BMP5: variants seen among roughly 807,000 people sequenced by gnomAD.
The protein encoded by BMP5 is bone morphogenetic protein 5.
In BMP5, 23 loss-of-function variants were observed where a neutral mutation model predicts 46.6. The observed-to-expected ratio is 0.49, with a 90% CI of 0.35 to 0.70. The LOEUF is 0.70. Ranked by LOEUF, BMP5 falls within the 30% of genes least tolerant of loss-of-function variation. BMP5 has a pLI of 0.00. For missense variants in BMP5, 545 were observed against 565.6 expected, an observed-to-expected ratio of 0.96 and a Z score of 0.37; for synonymous variants, 204 against 191.9, an observed-to-expected ratio of 1.06 and a Z score of -0.52.
intron 2 of BMP5, among the ~76,000 whole-genome samples, chr6:55,805,838 CAT>C (rs1775975130): frequency 6.6e-6 from 1 of 152,224 alleles, no homozygotes; most frequent in East Asian, 1.9e-4. Context: ...AGCTTTTTTT[CAT>C]ATGTTTGTTG....
intron 3 of BMP5, among the ~76,000 whole-genome samples, chr6:55,788,417 T>TG (rs1400541754): frequency 2.0e-5 from 3 of 151,828 alleles, no homozygotes; most frequent in Non-Finnish European, 4.4e-5. Flanking sequence ...ACTGCCTATA[T>TG]ACTCTGCTGT....
chr6:55,836,908 AG>A (rs779993670), intron 1 of BMP5, among the ~76,000 whole-genome samples: 4 of 152,190 alleles, frequency 2.6e-5, no homozygotes, highest in Non-Finnish European at 5.9e-5. Context: ...ATTTTAAATC[AG>A]GCAAAATATG....
At position 55,774,090 on chromosome 6, in the gene BMP5, G is replaced by C; in HGVS notation, c.986C>G (p.Ser329Cys). The C allele has an allele frequency of 6.2e-7, 1 of 1,612,890 alleles. No homozygotes were observed. The highest frequency in any genetic ancestry group is 8.5e-7 in the Non-Finnish European group (1 of 1,179,360). The change falls in exon 4 of 7, where the codon TCC becomes TGC. Residue 329 changes from serine (S) to cysteine (C), a missense_variant. Transcript: ENST00000370830. ...NKRKNQNRNKSSSHQDSSRMS... is the reference protein window; with the variant it reads ...NKRKNQNRNKCSSHQDSSRMS... ...TCTGGAGGAGTCCTGATGAGAGCTG[G>C]ATTTATTGCGGTTTTGATTTTTTCG...
At chr6:55,839,555 T>C (rs1395085723) in intron 1 of BMP5, among the ~76,000 whole-genome samples, 1 of 152,138 alleles carries the variant, frequency 6.6e-6, no homozygotes, top group East Asian at 1.9e-4. Flanking sequence ...TCTCAAGCCA[T>C]CCTCCCACCT....
chr6:55,790,469 C>A (rs1775551080), intron 3 of BMP5, among the ~76,000 whole-genome samples: 2 of 152,056 alleles, frequency 1.3e-5, no homozygotes, highest in Non-Finnish European at 2.9e-5. Context: ...AAGTTTAGTT[C>A]TTTTTTATGG....
chr6:55,869,806 G>T (rs1210760296), intron 1 of BMP5, among the ~76,000 whole-genome samples: 1 of 152,170 alleles, frequency 6.6e-6, no homozygotes, highest in African/African-American at 2.4e-5. Context: ...TTCTCCCAGT[G>T]GGTGGAGGCT....
At chr6:55,873,678 A>T (rs12198673) in intron 1 of BMP5, among the ~76,000 whole-genome samples, 1 of 151,888 alleles carries the variant, frequency 6.6e-6, no homozygotes, top group African/African-American at 2.4e-5. Flanking sequence ...TTTATCTCAT[A>T]TAGAAGGAAA....
At chr6:55,855,715 T>C (rs1436480130) in intron 1 of BMP5, among the ~76,000 whole-genome samples, 1 of 152,168 alleles carries the variant, frequency 6.6e-6, no homozygotes, top group Non-Finnish European at 1.5e-5. Flanking sequence ...TATTTTTCTT[T>C]TGGTACCAAA....
intron 1 of BMP5, among the ~76,000 whole-genome samples, chr6:55,833,557 CAGAACAGAG>C (rs1582103177): frequency 6.6e-6 from 1 of 152,094 alleles, no homozygotes; most frequent in East Asian, 1.9e-4. Context: ...AATCATTACA[CAGAACAGAG>C]CTGACAAGGG....
intron 1 of BMP5, among the ~76,000 whole-genome samples, chr6:55,842,778 T>C (rs1303913737): frequency 6.6e-6 from 1 of 152,126 alleles, no homozygotes; most frequent in African/African-American, 2.4e-5. Flanking sequence ...TTTTTTACAA[T>C]TTCATTGGAA....
intron 5 of BMP5, among the ~76,000 whole-genome samples, chr6:55,760,226 T>A (rs1351415759): frequency 6.6e-6 from 1 of 152,014 alleles, no homozygotes; most frequent in Non-Finnish European, 1.5e-5. Flanking sequence ...ATCTTAGTGT[T>A]CTATGTCTCA....
intron 1 of BMP5, among the ~76,000 whole-genome samples, chr6:55,833,059 T>A (rs1432448330): frequency 1.3e-5 from 2 of 152,108 alleles, no homozygotes; most frequent in African/African-American, 4.8e-5. Context: ...AAGGTTAAAG[T>A]GAGCTATGAT....
At chr6:55,806,707 A>G (rs1399220156) in intron 2 of BMP5, among the ~76,000 whole-genome samples, 1 of 152,138 alleles carries the variant, frequency 6.6e-6, no homozygotes, top group Non-Finnish European at 1.5e-5. Context: ...ACAAGAATAG[A>G]ATGTTTTTCC....
At chr6:55,799,503 A>G (rs1302337873) in intron 2 of BMP5, among the ~76,000 whole-genome samples, 1 of 152,158 alleles carries the variant, frequency 6.6e-6, no homozygotes, top group African/African-American at 2.4e-5. Context: ...TCAACTATTG[A>G]CTGTCTTTAG....
intron 4 of BMP5, among the ~76,000 whole-genome samples, chr6:55,762,917 G>A (rs1439048995): frequency 1.3e-5 from 2 of 152,064 alleles, no homozygotes; most frequent in African/African-American, 4.8e-5. Flanking sequence ...ATACGTAAAT[G>A]AATGGGTGTG....
intron 1 of BMP5, among the ~76,000 whole-genome samples, chr6:55,873,791 G>A (rs902156934): frequency 6.6e-6 from 1 of 151,942 alleles, no homozygotes; most frequent in African/African-American, 2.4e-5. Flanking sequence ...GTTAAGAACT[G>A]TTAGATTGAA....
intron 1 of BMP5, among the ~76,000 whole-genome samples, chr6:55,845,037 T>C (rs1407505166): frequency 1.3e-5 from 2 of 151,996 alleles, no homozygotes; most frequent in African/African-American, 2.4e-5. Flanking sequence ...TCTATACACA[T>C]GAAAAACCAT....
At chr6:55,829,997 T>C (rs1158838195) in intron 1 of BMP5, among the ~76,000 whole-genome samples, 1 of 152,048 alleles carries the variant, frequency 6.6e-6, no homozygotes, top group East Asian at 1.9e-4. Flanking sequence ...GTGTTTCTTT[T>C]ACATTTGGTT....
chr6:55,827,045 C>T (rs1776550450), intron 1 of BMP5, among the ~76,000 whole-genome samples: 1 of 151,774 alleles, frequency 6.6e-6, no homozygotes, highest in African/African-American at 2.4e-5. Context: ...CGTGCTCTCT[C>T]CTCCTATGCA....
Sources: allele counts gnomAD v4.1 joint callset (sites outside exome capture counted in the v4.1 genomes callset), GRCh38; gene constraint gnomAD v4.1.1; transcripts MANE v1.5; gene names NCBI Gene and HGNC (gene_info 2026-07-23, HGNC 2026-07-21).